SV2C: variants seen among roughly 807,000 people sequenced by gnomAD.
SV2C encodes the protein synaptic vesicle glycoprotein 2C, also known as solute carrier family 22 member B3.
A neutral mutation model predicts 79.7 loss-of-function variants in SV2C; 49 were observed. The ratio of observed to expected loss-of-function variants is 0.61; its 90% CI spans 0.49 to 0.78. SV2C has a LOEUF of 0.78. Ranked by LOEUF, SV2C falls within the 30% of genes least tolerant of loss-of-function variation. The pLI is 0.00. For missense variants in SV2C, 833 were observed against 912.9 expected (o/e 0.91, Z 1.13); for synonymous variants, 334 against 333.2 (o/e 1.00, Z -0.03).
intron 2 of SV2C, among the ~76,000 whole-genome samples, chr5:76,168,547 C>G (rs1743113335): frequency 6.6e-6 from 1 of 152,194 alleles, no homozygotes; most frequent in African/African-American, 2.4e-5. Flanking sequence ...GTATGGTGAT[C>G]TTTGACCAAA....
the SV2C span, among the ~76,000 whole-genome samples, chr5:76,051,121 A>G: frequency 1.3e-5 from 2 of 152,228 alleles, no homozygotes; most frequent in Non-Finnish European, 2.9e-5. Context: ...ATTAACAAAA[A>G]TGTAGACCTT....
At chr5:75,907,876 G>A in the SV2C span, among the ~76,000 whole-genome samples, 10 of 152,100 alleles carry the variant, frequency 6.6e-5, no homozygotes, top group Non-Finnish European at 1.3e-4. Context: ...AGGAAGCCTC[G>A]CCTGAGAACT....
At chr5:76,299,799 T>C (rs1188938596) in intron 10 of SV2C, among the ~76,000 whole-genome samples, 2 of 152,206 alleles carry the variant, frequency 1.3e-5, no homozygotes, top group Non-Finnish European at 1.5e-5. Context: ...ACGAACATTT[T>C]GTCAGATCTT....
chr5:76,130,070 C>T (rs1279155447), intron 1 of SV2C, among the ~76,000 whole-genome samples: 1 of 149,168 alleles, frequency 6.7e-6, no homozygotes, highest in African/African-American at 2.5e-5. Flanking sequence ...CTTCTCACCA[C>T]CTTTCCATTT....
intron 2 of SV2C, among the ~76,000 whole-genome samples, chr5:76,187,424 A>G (rs1428345532): frequency 6.6e-6 from 1 of 152,164 alleles, no homozygotes. Context: ...CTCTGCTTGG[A>G]CCAGCAAACT....
intron 3 of SV2C, among the ~76,000 whole-genome samples, chr5:76,197,387 C>G (rs969656005): frequency 6.6e-6 from 1 of 152,026 alleles, no homozygotes; most frequent in Non-Finnish European, 1.5e-5. Flanking sequence ...CAAGTCTGGC[C>G]CATGCAAGAA....
At chr5:75,887,056 T>A in the SV2C span, among the ~76,000 whole-genome samples, 1 of 152,162 alleles carries the variant, frequency 6.6e-6, no homozygotes, top group Admixed American at 6.6e-5. Flanking sequence ...TTTTTATTTT[T>A]AAAATATTTA....
intron 4 of SV2C, among the ~76,000 whole-genome samples, chr5:76,222,665 G>A (rs1179674820): frequency 6.6e-6 from 1 of 152,192 alleles, no homozygotes; most frequent in Admixed American, 6.5e-5. Context: ...GAGGGAAACT[G>A]GATGAAGTGT....
the SV2C span, among the ~76,000 whole-genome samples, chr5:75,903,185 G>T: frequency 5.3e-5 from 8 of 152,170 alleles, no homozygotes; most frequent in East Asian, 1.2e-3. Flanking sequence ...ATTCCAAAAT[G>T]ATTCTAAAGA....
At chr5:76,074,098 A>T in the SV2C span, among the ~76,000 whole-genome samples, 1 of 152,172 alleles carries the variant, frequency 6.6e-6, no homozygotes, top group South Asian at 2.1e-4. Flanking sequence ...CTTCCTCTGC[A>T]GTGAAGGCTC....
At chr5:75,987,689 CATAAA>C in the SV2C span, among the ~76,000 whole-genome samples, 221 of 152,132 alleles carry the variant, frequency 1.5e-3, no homozygotes, top group African/African-American at 4.7e-3. Flanking sequence ...TCATTTCTCT[CATAAA>C]ATAAAAGTAG....
chr5:75,911,559 C>T, the SV2C span: 5 of 670,666 alleles, frequency 7.5e-6, no homozygotes, highest in African/African-American at 3.6e-5. Flanking sequence ...CTAGTACCTC[C>T]CTAGAGTTCT....
chr5:75,931,258 G>C, the SV2C span, among the ~76,000 whole-genome samples: 3 of 152,232 alleles, frequency 2.0e-5, no homozygotes, highest in Non-Finnish European at 4.4e-5. Context: ...CTAACCATTT[G>C]AAGGGATGTG....
At chr5:76,216,877 T>C (rs1744919093) in intron 4 of SV2C, among the ~76,000 whole-genome samples, 1 of 152,196 alleles carries the variant, frequency 6.6e-6, no homozygotes, top group African/African-American at 2.4e-5. Flanking sequence ...AGAGCTTTCA[T>C]TAGGCCCAGG....
rs955414734 is a variant in SV2C at position 76,167,093 on chromosome 5, G to A, written c.581-27826G>A. Among the ~76,000 whole-genome samples the A allele has an allele frequency of 2.6e-5, 4 of 152,208 alleles. No individual in the cohort carries two copies. The East Asian group carries it at 5.8e-4, about 22-fold the overall frequency. ...GATCCTCTTCTGCAGAGCTCAAGAC[G>A]TTTTCATATTCTGTCATGCTACCGG... On this transcript the variant is annotated intron_variant, in intron 2 of 12. Transcript: ENST00000502798.
upstream of SV2C, among the ~76,000 whole-genome samples, chr5:76,080,547 C>T (rs755390235): frequency 3.3e-5 from 5 of 152,194 alleles, no homozygotes; most frequent in Non-Finnish European, 7.3e-5. Context: ...GTACTAGGCA[C>T]TGTGCTTCTT....
chr5:75,848,755 T>C, the SV2C span, among the ~76,000 whole-genome samples: 1 of 152,116 alleles, frequency 6.6e-6, no homozygotes, highest in Non-Finnish European at 1.5e-5. Context: ...TATTGGAACA[T>C]ATATCCTATA....
intron 4 of SV2C, among the ~76,000 whole-genome samples, chr5:76,217,102 T>G (rs771193471): frequency 1.3e-5 from 2 of 152,218 alleles, no homozygotes; most frequent in Non-Finnish European, 2.9e-5. Context: ...CTGGGCCTCA[T>G]CTAGCCCCCA....
intron 12 of SV2C, among the ~76,000 whole-genome samples, chr5:76,316,575 C>T (rs558800347): frequency 5.9e-5 from 9 of 152,226 alleles, no homozygotes; most frequent in African/African-American, 2.2e-4. Context: ...TTGAAAACAC[C>T]TGCTTGGGAG....
Sources: gnomAD v4.1 joint callset for allele counts (sites outside exome capture counted in the v4.1 genomes callset) on GRCh38, gnomAD v4.1.1 for gene constraint, MANE v1.5 for transcripts, NCBI Gene and HGNC (gene_info 2026-07-23, HGNC 2026-07-21) for gene names.